The following SH3D19 variants were observed in gnomAD, a reference collection of about 807,000 sequenced individuals.
SH3D19 encodes SH3 domain containing 19.
A neutral mutation model predicts 112.1 loss-of-function variants in SH3D19; 58 were observed. The ratio of observed to expected loss-of-function variants is 0.52; its 90% CI spans 0.42 to 0.64. SH3D19 has a LOEUF of 0.64. Ranked by LOEUF, SH3D19 falls within the 30% of genes least tolerant of loss-of-function variation. SH3D19 has a pLI of 0.00. For synonymous variants in SH3D19, 391 were observed against 448.5 expected (o/e 0.87, Z 1.62); for missense variants, 1,090 against 1,263.4 (o/e 0.86, Z 2.08).
At chr4:151,263,795 TG>T (rs1772560441) in intron 1 of SH3D19, among the ~76,000 whole-genome samples, 1 of 66,452 alleles carries the variant, frequency 1.5e-5, no homozygotes, top group South Asian at 6.3e-4. Context: ...CAGTTTTTGT[TG>T]TTGTTGTTGT....
At chr4:151,147,484 G>C (rs1257731627) in intron 11 of SH3D19, among the ~76,000 whole-genome samples, 1 of 152,106 alleles carries the variant, frequency 6.6e-6, no homozygotes. Context: ...TTTGCTTTGA[G>C]ACAGTCTTGC....
intron 2 of SH3D19, among the ~76,000 whole-genome samples, chr4:151,197,597 C>T (rs1763668454): frequency 6.6e-6 from 1 of 152,188 alleles, no homozygotes; most frequent in Non-Finnish European, 1.5e-5. Flanking sequence ...ATATTCATCT[C>T]AATTAACCAC....
At chr4:151,143,421 A>G (rs534491239) in intron 12 of SH3D19, among the ~76,000 whole-genome samples, 13 of 152,196 alleles carry the variant, frequency 8.5e-5, no homozygotes, top group Admixed American at 8.5e-4. Flanking sequence ...GAGCTAAAGT[A>G]AGGATTTTCA....
chr4:151,190,626 T>C (rs1762467897), intron 2 of SH3D19, among the ~76,000 whole-genome samples: 1 of 152,198 alleles, frequency 6.6e-6, no homozygotes, highest in African/African-American at 2.4e-5. Flanking sequence ...CATGTGGTGT[T>C]GAGCGTGCAA....
chr4:151,226,164 A>G (rs1768959598), intron 1 of SH3D19, 78 bp from the exon 2 acceptor site: 1 of 1,230,312 alleles, frequency 8.1e-7, no homozygotes, highest in Non-Finnish European at 1.0e-6. Context: ...ACCAGCTGCC[A>G]TACCATTAGA....
chr4:151,146,243 C>T (rs1252204807), intron 11 of SH3D19, among the ~76,000 whole-genome samples: 1 of 152,154 alleles, frequency 6.6e-6, no homozygotes, highest in African/African-American at 2.4e-5. Flanking sequence ...TTACAAGCTA[C>T]TCTGTCGTTC....
chr4:151,260,624 T>A (rs1279692026), intron 1 of SH3D19, among the ~76,000 whole-genome samples: 1 of 152,214 alleles, frequency 6.6e-6, no homozygotes, highest in Non-Finnish European at 1.5e-5. Flanking sequence ...AGAGGTGAGA[T>A]AACATCACTC....
chr4:151,319,739 T>C (rs1283287637), intron 1 of SH3D19, among the ~76,000 whole-genome samples: 1 of 152,222 alleles, frequency 6.6e-6, no homozygotes, highest in African/African-American at 2.4e-5. Context: ...CCCTCTTCCC[T>C]CTCAGTTTGT....
At chr4:151,128,765 C>T (rs1246468201) in intron 17 of SH3D19, among the ~76,000 whole-genome samples, 2 of 152,052 alleles carry the variant, frequency 1.3e-5, no homozygotes, top group Non-Finnish European at 2.9e-5. Context: ...CTCAGCCTCC[C>T]GAGTAGCTGG....
rs1319505299 is a variant in SH3D19, at chr4:151,165,836, A to C, written c.1535-140T>G. ...ATAAACAAAATCTCAGTTTGCAGAG[A>C]CAAAAACAAAGTTGGAGCTCATAAA... is the stretch of plus-strand genomic sequence containing the variant. On this transcript the variant is annotated intron_variant, in intron 7 of 19. Coordinates refer to ENST00000604030, the MANE Select transcript of SH3D19 (RefSeq NM_001378122.1). 3 of 658,006 alleles carry C rather than the reference A, an allele frequency of 4.6e-6. No homozygotes were observed. The East Asian group carries it at 8.3e-5, about 18-fold the overall frequency. 40.8% of individuals were successfully genotyped at this position (658,006 alleles called of 1,614,324 possible).
intron 7 of SH3D19, among the ~76,000 whole-genome samples, chr4:151,171,503 T>C (rs1377359589): frequency 1.3e-5 from 2 of 152,198 alleles, no homozygotes; most frequent in Non-Finnish European, 2.9e-5. Flanking sequence ...GTATTTGCAA[T>C]GTTTATTCTG....
chr4:151,266,121 G>A (rs1416897419), intron 1 of SH3D19: 1 of 152,138 alleles, frequency 6.6e-6, no homozygotes, highest in East Asian at 1.9e-4. Context: ...TTGGAGACTT[G>A]GGTATAATCT....
intron 1 of SH3D19, among the ~76,000 whole-genome samples, chr4:151,306,187 T>C (rs1728893554): frequency 6.6e-6 from 1 of 152,202 alleles, no homozygotes; most frequent in South Asian, 2.1e-4. Flanking sequence ...GGAACTGTTC[T>C]GTATGGTGAC....
chr4:151,231,388 T>C (rs552025410), intron 1 of SH3D19, among the ~76,000 whole-genome samples: 3 of 152,284 alleles, frequency 2.0e-5, no homozygotes, highest in Admixed American at 2.0e-4. Flanking sequence ...AGCATATATA[T>C]ACATACACTT....
intron 2 of SH3D19, among the ~76,000 whole-genome samples, chr4:151,194,016 A>ACTT (rs1305502249): frequency 8.9e-6 from 1 of 111,902 alleles, no homozygotes; most frequent in African/African-American, 4.5e-5. Context: ...AGTAGGATTA[A>ACTT]TTTTTTTTTT....
At chr4:151,147,570 T>A in intron 11 of SH3D19, among the ~76,000 whole-genome samples, 1 of 152,224 alleles carries the variant, frequency 6.6e-6, no homozygotes, top group East Asian at 1.9e-4. Context: ...CAAGCAATTC[T>A]CATGCCTCAG....
intron 7 of SH3D19, among the ~76,000 whole-genome samples, chr4:151,173,609 C>T (rs776215596): frequency 4.1e-4 from 63 of 152,206 alleles, no homozygotes; most frequent in East Asian, 1.9e-4. Flanking sequence ...TCCTTCCACC[C>T]TTTATGGACA....
chr4:151,238,333 TAGAC>T (rs1770288687), intron 1 of SH3D19, among the ~76,000 whole-genome samples: 1 of 152,216 alleles, frequency 6.6e-6, no homozygotes, highest in Non-Finnish European at 1.5e-5. Flanking sequence ...ATGGAATTCT[TAGAC>T]AAGAATACAG....
intron 1 of SH3D19, among the ~76,000 whole-genome samples, chr4:151,256,319 C>G (rs1050665738): frequency 2.6e-5 from 4 of 152,092 alleles, no homozygotes. Context: ...TGTAAAATGT[C>G]GAGAAAGTCC....
Sources: allele counts gnomAD v4.1 joint callset (sites outside exome capture counted in the v4.1 genomes callset), GRCh38; gene constraint gnomAD v4.1.1; transcripts MANE v1.5; gene names NCBI Gene and HGNC (gene_info 2026-07-23, HGNC 2026-07-21).